The following PHACTR1 variants were observed in gnomAD, a reference collection of about 807,000 sequenced individuals.
PHACTR1 encodes the protein RPEL repeat containing 1.
Under a neutral mutation model 69.2 loss-of-function variants are expected in PHACTR1, and 16 were observed. That is an observed-to-expected ratio of 0.23 (90% CI 0.16 to 0.35). The LOEUF is 0.35. Among genes scored for constraint, PHACTR1 ranks in the 10% least tolerant of loss-of-function variants. The pLI is 1.00. For missense variants in PHACTR1, 510 were observed against 734.7 expected, an observed-to-expected ratio of 0.69 and a Z score of 3.54; for synonymous variants, 312 against 284.5, an observed-to-expected ratio of 1.10 and a Z score of -0.97.
chr6:13,085,957 A>G (rs568844593), intron 5 of PHACTR1, among the ~76,000 whole-genome samples: 5 of 151,860 alleles, frequency 3.3e-5, no homozygotes, highest in Non-Finnish European at 5.9e-5. Context: ...AGCCAAAATT[A>G]ATGAATCAAA....
chr6:12,932,609 T>C (rs9463303), intron 4 of PHACTR1, among the ~76,000 whole-genome samples: 30,520 of 152,228 alleles, frequency 0.2, 7,389 homozygotes, highest in African/African-American at 0.58. Flanking sequence ...GTCATATTCA[T>C]AAAGACACAT....
chr6:12,988,422 A>C (rs1234223725), intron 4 of PHACTR1, among the ~76,000 whole-genome samples: 1 of 152,190 alleles, frequency 6.6e-6, no homozygotes, highest in African/African-American at 2.4e-5. Context: ...AAATATTCAT[A>C]ATGAAGTATT....
chr6:12,887,397 G>A (rs1406689071), intron 4 of PHACTR1, among the ~76,000 whole-genome samples: 2 of 152,156 alleles, frequency 1.3e-5, no homozygotes, highest in East Asian at 3.9e-4. Context: ...CAGCTCACAT[G>A]CCCCTGTTCT....
At chr6:12,870,816 G>C (rs866115069) in intron 4 of PHACTR1, among the ~76,000 whole-genome samples, 5 of 152,192 alleles carry the variant, frequency 3.3e-5, no homozygotes, top group South Asian at 2.1e-4. Flanking sequence ...GGTGAGTTGG[G>C]AAGCTGACTT....
chr6:12,785,336 AG>A (rs2127651517), intron 4 of PHACTR1, among the ~76,000 whole-genome samples: 1 of 152,316 alleles, frequency 6.6e-6, no homozygotes, highest in East Asian at 1.9e-4. Context: ...TCCATGGCAG[AG>A]CTGTGATGGA....
At chr6:13,003,965 G>GTA (rs772804033) in intron 4 of PHACTR1, among the ~76,000 whole-genome samples, 14,649 of 87,122 alleles carry the variant, frequency 0.17, 1,943 homozygotes, top group African/African-American at 0.24. Context: ...ATATATATAT[G>GTA]TATATATATA....
intron 4 of PHACTR1, among the ~76,000 whole-genome samples, chr6:12,803,490 C>T (rs1773942539): frequency 6.6e-6 from 1 of 152,132 alleles, no homozygotes. Context: ...CAAAAACGTG[C>T]CAAAACCATG....
At chr6:13,044,789 A>T (rs1804763198) in intron 4 of PHACTR1, among the ~76,000 whole-genome samples, 1 of 152,188 alleles carries the variant, frequency 6.6e-6, no homozygotes, top group Admixed American at 6.5e-5. Flanking sequence ...AGCATATCTG[A>T]GCCTATTCCA....
chr6:12,909,630 G>A (rs767791177), intron 4 of PHACTR1, among the ~76,000 whole-genome samples: 4 of 152,192 alleles, frequency 2.6e-5, no homozygotes, highest in Non-Finnish European at 4.4e-5. Flanking sequence ...AAAGTGCAGT[G>A]TAAATACAAT....
chr6:13,093,434 A>G (rs1308627031), intron 5 of PHACTR1, among the ~76,000 whole-genome samples: 3 of 152,232 alleles, frequency 2.0e-5, no homozygotes, highest in African/African-American at 4.8e-5. Flanking sequence ...TATTAGAAAC[A>G]ATCAGCCTCC....
At chr6:12,957,289 G>T in intron 4 of PHACTR1, 143 of 628,368 alleles carry the variant, frequency 2.3e-4, no homozygotes, top group South Asian at 2.8e-4. Flanking sequence ...CAGGCTGTGA[G>T]TTCCAGACTT....
Position 13,205,857 on chromosome 6 carries a change from T to G in PHACTR1, c.707T>G (p.Leu236Arg), listed in dbSNP as rs757822922. Residue 236 changes from leucine to arginine, a missense_variant, in exon 8 of 15, where the codon CTG becomes CGG. Around this residue, in one of 2 missense-constraint regions of PHACTR1, gnomAD observed 419 missense variants for 530.9 expected, o/e 0.79. Transcript: ENST00000332995. ...AAATTGCCTTGTCTGCCAGTGAAACTGTCGCCTCCGCTACCTCCAAAGAAA... is the reference window on the plus strand; with the variant it reads ...AAATTGCCTTGTCTGCCAGTGAAACGGTCGCCTCCGCTACCTCCAAAGAAA... ...PVKLPCLPVKLSPPLPPKKVM... is the reference protein window; with the variant it reads ...PVKLPCLPVKRSPPLPPKKVM... The G allele has an allele frequency of 5.0e-6, 8 of 1,595,710 alleles. No individual in the cohort carries two copies. The highest frequency in any genetic ancestry group is 1.3e-5 in the African/African-American group (1 of 74,594).
At position 13,143,138 on chromosome 6, in the gene PHACTR1, T is replaced by C. The variant is rs545366203; in HGVS notation, c.416-17066T>C. 2.8e-4 allele frequency among the ~76,000 whole-genome samples: 43 copies of C among 152,068 alleles called. 1 individual carries two copies. The highest frequency in any genetic ancestry group is 5.4e-4 in the Non-Finnish European group (37 of 68,016). ...GGTTACCAGAGGCTGGGAAGGGTAG[T>C]TGAGGGTAGAAAGGAAGGGAAGTGG... is the stretch of plus-strand genomic sequence containing the variant. On this transcript the variant is annotated intron_variant, in intron 5 of 14. Coordinates refer to ENST00000332995, the MANE Select transcript of PHACTR1 (RefSeq NM_030948.6).
intron 4 of PHACTR1, among the ~76,000 whole-genome samples, chr6:12,823,973 G>A (rs1008862661): frequency 3.3e-5 from 5 of 152,042 alleles, no homozygotes; most frequent in Non-Finnish European, 5.9e-5. Flanking sequence ...CCCAACCCCC[G>A]GGCCAGGGAC....
At position 12,738,317 on chromosome 6, in the gene PHACTR1, G is replaced by A. The variant is rs150381211; in HGVS notation, c.104-11327G>A. On this transcript the variant is annotated intron_variant, in intron 3 of 14. Transcript: ENST00000332995. ...TTCTGGAGGCATCCAATGTCCACTC[G>A]TCCCTCGATGGTGATGATAATTTTA... 4.2e-4 allele frequency among the ~76,000 whole-genome samples: 64 copies of A among 152,240 alleles called. 2 individuals carry two copies. The East Asian group carries it at 0.011, about 26-fold the overall frequency.
chr6:12,773,408 C>T (rs192323357), intron 4 of PHACTR1, among the ~76,000 whole-genome samples: 4 of 152,168 alleles, frequency 2.6e-5, no homozygotes, highest in African/African-American at 4.8e-5. Flanking sequence ...CTTCCAGTTA[C>T]TGTAACTTAT....
At chr6:13,261,564 A>G (rs991722325) in intron 10 of PHACTR1, among the ~76,000 whole-genome samples, 10 of 152,204 alleles carry the variant, frequency 6.6e-5, no homozygotes, top group Admixed American at 2.0e-4. Context: ...GTGGAGTAGG[A>G]GGGTGTTCTG....
intron 10 of PHACTR1, among the ~76,000 whole-genome samples, chr6:13,253,395 G>T (rs949725334): frequency 6.6e-6 from 1 of 152,142 alleles, no homozygotes; most frequent in South Asian, 2.1e-4. Flanking sequence ...TAGAACCATG[G>T]TACTTTGTGA....
chr6:13,139,426 C>G lies in PHACTR1; in HGVS notation c.416-20778C>G, dbSNP rs76277629. Among the ~76,000 whole-genome samples the G allele has an allele frequency of 6.9e-3, 1,057 of 152,270 alleles. 5 individuals carry two copies. Among genetic ancestry groups the G allele is most frequent in the African/African-American group, 0.024 (989 of 41,548 alleles). ...CACAAAAAGTTTGCCAACACCTGCT[C>G]TATTTATTCACAAATTGTTTTTTCC... On this transcript the variant is annotated intron_variant, in intron 5 of 14. Coordinates refer to ENST00000332995, the MANE Select transcript of PHACTR1 (RefSeq NM_030948.6).
Sources: gnomAD v4.1 joint callset for allele counts (sites outside exome capture counted in the v4.1 genomes callset) on GRCh38, gnomAD v4.1.1 for gene constraint, gnomAD v4.1.1 regional missense constraint, MANE v1.5 for transcripts, NCBI Gene and HGNC (gene_info 2026-07-23, HGNC 2026-07-21) for gene names.